Variants in ZNF655 observed in about 807,000 individuals in gnomAD.
ZNF655 encodes the protein zinc finger protein 655.
Under a neutral mutation model 6.6 loss-of-function variants are expected in ZNF655, and 3 were observed. That is an observed-to-expected ratio of 0.46 (90% CI 0.21 to 1.18). The LOEUF is 1.18. ZNF655 is among the 50% of genes most tolerant of loss of function. The probability of loss-of-function intolerance (pLI) is 0.24; values close to 1 mark genes in which losing one functional copy is unlikely to be tolerated. For synonymous variants in ZNF655, 178 were observed against 195.0 expected, an observed-to-expected ratio of 0.91 and a Z score of 0.73; for missense variants, 526 against 572.3, an observed-to-expected ratio of 0.92 and a Z score of 0.83.
intron 2 of ZNF655, chr7:99,564,776 A>G: frequency 1.1e-6 from 1 of 906,886 alleles, no homozygotes; most frequent in Non-Finnish European, 1.3e-6. Flanking sequence ...TATGCTATAG[A>G]CTGAACTTTA....
rs746855141 is a variant in ZNF655 at position 99,571,743 on chromosome 7, C to T, written c.137-502C>T. ...CCCAGCTGGAACAGGATCTACAGGT[C>T]TTTGATCTGGAAACTAAGACTAGAG... On this transcript the variant is annotated intron_variant, in intron 2 of 2. Coordinates refer to ENST00000252713, the MANE Select transcript of ZNF655 (RefSeq NM_138494.3). The T allele has an allele frequency of 5.0e-6, 8 of 1,610,276 alleles. No individual in the cohort carries two copies. The East Asian group carries it at 1.1e-4, about 22-fold the overall frequency.
In ZNF655 at chr7:99,573,300, C is replaced by T; in HGVS notation, c.1192C>T (p.His398Tyr). 6.2e-7 allele frequency: 1 copy of T among 1,614,134 alleles called. No homozygotes were observed. The highest frequency in any genetic ancestry group is 1.1e-5 in the South Asian group (1 of 91,072). ...DFRLNSHLIQHQRIHTGEKAH... is the reference protein window; with the variant it reads ...DFRLNSHLIQYQRIHTGEKAH... ...CAGATTGAATTCACATCTTATTCAG[C>T]ATCAAAGAATTCACACAGGAGAGAA... Residue 398 changes from histidine (H) to tyrosine (Y), a missense_variant, in exon 3 of 3, where the codon CAT (histidine) becomes TAT (tyrosine). His to Tyr is a moderately conservative substitution (Grantham distance 83). Transcript: ENST00000252713.
chr7:99,568,629 T>C lies in ZNF655; in HGVS notation c.137-3616T>C, dbSNP rs192832559. ...TTTAGATCCCTTTTAATTTTTAATT[T>C]TAATTTTTTGTAGAGATGGAGTCTC... is the stretch of plus-strand genomic sequence containing the variant. On this transcript the variant is annotated intron_variant, in intron 2 of 2. Coordinates refer to ENST00000252713, the MANE Select transcript of ZNF655 (RefSeq NM_138494.3). Among the ~76,000 whole-genome samples the C allele has an allele frequency of 1.1e-4, 17 of 152,222 alleles. No individual in the cohort carries two copies. In the East Asian group the frequency reaches 2.7e-3, roughly 24 times the overall value.
rs1804176053 is a variant in ZNF655, at chr7:99,572,701, A to G, written c.593A>G (p.His198Arg). ...ECKESLMDLSHLNKWESIPNT... is the reference protein window; with the variant it reads ...ECKESLMDLSRLNKWESIPNT... ...AAGGAAAGCTTAATGGATCTCTCCC[A>G]CCTTAATAAATGGGAGAGCATCCCT... The change falls in exon 3 of 3, where the codon CAC (histidine) becomes CGC (arginine). Residue 198 changes from histidine (H) to arginine (R), a missense_variant. Physicochemically the swap from His to Arg is conservative, Grantham distance 29. Transcript: ENST00000252713. The G allele has an allele frequency of 6.2e-7, 1 of 1,613,462 alleles. No individual in the cohort carries two copies.
intron 2 of ZNF655, among the ~76,000 whole-genome samples, chr7:99,562,666 T>C (rs529425873): frequency 2.6e-5 from 4 of 152,254 alleles, no homozygotes; most frequent in African/African-American, 7.2e-5. Flanking sequence ...TAATTAACGT[T>C]TGTTTGGGGG....
chr7:99,564,167 G>A (rs551978392), intron 2 of ZNF655: 68 of 1,447,920 alleles, frequency 4.7e-5, no homozygotes, highest in Middle Eastern at 2.1e-4. Flanking sequence ...AGGGTCCAAG[G>A]AAGCCCTCTG....
At chr7:99,568,726 G>C (rs1803819108) in intron 2 of ZNF655, among the ~76,000 whole-genome samples, 1 of 152,064 alleles carries the variant, frequency 6.6e-6, no homozygotes, top group African/African-American at 2.4e-5. Context: ...TCAAAGTGCT[G>C]GGATTACACG....
At chr7:99,571,886 C>G in intron 2 of ZNF655, 1 of 796,572 alleles carries the variant, frequency 1.3e-6, no homozygotes, top group Non-Finnish European at 2.0e-6. Context: ...ATGAAGAGCT[C>G]TGTGTGTGTC....
intron 2 of ZNF655, among the ~76,000 whole-genome samples, chr7:99,568,291 C>T (rs1803784567): frequency 6.9e-6 from 1 of 144,440 alleles, no homozygotes; most frequent in South Asian, 2.2e-4. Context: ...AATGGAGTCT[C>T]CCAGGCTGGA....
chr7:99,571,655 A>G (rs1212734046), intron 2 of ZNF655: 1 of 1,514,648 alleles, frequency 6.6e-7, no homozygotes, highest in Non-Finnish European at 9.1e-7. Flanking sequence ...CTGGGGATAC[A>G]TTGCCACATC....
At chr7:99,567,912 A>T (rs1391494560) in intron 2 of ZNF655, among the ~76,000 whole-genome samples, 1 of 151,776 alleles carries the variant, frequency 6.6e-6, no homozygotes, top group Non-Finnish European at 1.5e-5. Flanking sequence ...TACAAAAATT[A>T]GCTGGGCATG....
chr7:99,571,168 C>A, intron 2 of ZNF655: 1 of 1,135,560 alleles, frequency 8.8e-7, no homozygotes, highest in Non-Finnish European at 1.2e-6. Flanking sequence ...TGTCATATTA[C>A]TCTTTGTTTT....
intron 2 of ZNF655, 118 bp from the exon 3 acceptor site, chr7:99,572,126 TA>T: frequency 8.9e-7 from 1 of 1,124,900 alleles, no homozygotes; most frequent in Non-Finnish European, 1.2e-6. Flanking sequence ...TTTTTCAGAG[TA>T]AATAAACTTT....
In ZNF655 at chr7:99,560,523, T is replaced by TA; in HGVS notation, c.-27-9dup. ...TTATTACAGTAATTTCTCTTAATCT[T>TA]ACCTTGCAGTGATGGTCATTGTCCT... On this transcript the variant is annotated splice_polypyrimidine_tract_variant and intron_variant, in intron 1 of 2. Transcript: ENST00000252713. 5 of 1,602,288 alleles carry TA rather than the reference T, an allele frequency of 3.1e-6. No homozygotes were observed. The highest frequency in any genetic ancestry group is 4.3e-6 in the Non-Finnish European group (5 of 1,172,716).
chr7:99,562,610 AGAACCTCT>A lies in ZNF655; in HGVS notation c.136+1919_136+1926del, dbSNP rs2151149557. 4.9e-6 allele frequency: 5 copies of A among 1,011,742 alleles called. No homozygotes were observed. The South Asian group carries it at 1.1e-4, about 22-fold the overall frequency. The allele number at this position is 1,011,742 out of a possible 1,614,324, so 62.7% of individuals were successfully genotyped here. A position where few individuals can be genotyped will look rare whatever the true frequency, so the allele number is the denominator to read the frequency against. ...GAGTGTGGCTTAGATTCCAGGACTT[AGAACCTCT>A]GAATCCTTATCTTTCACATCGTCTT... On this transcript the variant is annotated intron_variant, in intron 2 of 2. Coordinates refer to ENST00000252713, the MANE Select transcript of ZNF655 (RefSeq NM_138494.3).
intron 2 of ZNF655, 122 bp from the exon 3 acceptor site, chr7:99,572,123 G>T: frequency 9.1e-7 from 1 of 1,095,088 alleles, no homozygotes. Flanking sequence ...CTGTTTTTCA[G>T]AGTAAATAAA....
rs749369499 is a variant in ZNF655 at position 99,573,568 on chromosome 7, C to A, written c.1460C>A (p.Thr487Asn). 4 of 1,601,010 alleles carry A rather than the reference C, an allele frequency of 2.5e-6. No homozygotes were observed. The highest frequency in any genetic ancestry group is 2.7e-5 in the African/African-American group (2 of 74,844). ...AHLVQHQSIH[T>N]KENS ...CTAGTTCAACATCAGAGCATTCATA[C>A]CAAAGAGAACTCATGAATGTAATGA... Residue 487 changes from threonine (T) to asparagine (N), a missense_variant, in exon 3 of 3, where the codon ACC (threonine) becomes AAC (asparagine). Physicochemically the swap from Thr to Asn is moderately conservative, Grantham distance 65. Coordinates refer to ENST00000252713, the MANE Select transcript of ZNF655 (RefSeq NM_138494.3).
intron 1 of ZNF655, 62 bp from the exon 2 acceptor site, chr7:99,560,471 C>T (rs777197130): frequency 7.1e-5 from 107 of 1,496,842 alleles, no homozygotes; most frequent in Non-Finnish European, 8.8e-5. Context: ...AAAGTCCTGA[C>T]GATATAAAAT....
intron 2 of ZNF655, chr7:99,564,552 A>G (rs981566960): frequency 2.0e-5 from 20 of 985,560 alleles, no homozygotes; most frequent in Non-Finnish European, 2.4e-5. Context: ...TCTGTCCTTG[A>G]TGGAGGGGAG....
Sources: gnomAD v4.1 joint callset for allele counts (sites outside exome capture counted in the v4.1 genomes callset) on GRCh38, gnomAD v4.1.1 for gene constraint, MANE v1.5 for transcripts, NCBI Gene and HGNC (gene_info 2026-07-23, HGNC 2026-07-21) for gene names.